Variants in OPCML observed in about 807,000 individuals in gnomAD.
The protein encoded by OPCML is opioid-binding protein/cell adhesion molecule.
OPCML carries 13 observed loss-of-function variants against 37.8 expected under a neutral mutation model. The observed-to-expected ratio is 0.34, with a 90% confidence interval of 0.22 to 0.55. The LOEUF (loss-of-function observed/expected upper bound fraction) is 0.55, where lower values mean the gene tolerates loss of function less well. OPCML is among the 20% of genes least tolerant of loss of function. The pLI is 0.91. For missense variants in OPCML, 341 were observed against 435.6 expected (o/e 0.78, Z 1.93); for synonymous variants, 176 against 168.8 (o/e 1.04, Z -0.33).
At position 132,969,277 on chromosome 11, in the gene OPCML, A is replaced by G. The variant is rs1412476214; in HGVS notation, c.62-26267T>C. ...CCTTATAGTCTCCACCATTGTTTCT[A>G]ACGAAATGTCCTCTGTTAATATTGT... On this transcript the variant is annotated intron_variant, in intron 1 of 7. Coordinates refer to ENST00000524381, the MANE Select transcript of OPCML (RefSeq NM_001012393.5). Among the ~76,000 whole-genome samples, 4 of 152,208 alleles carry G rather than the reference A, an allele frequency of 2.6e-5. No individual in the cohort carries two copies. The East Asian group carries it at 7.7e-4, about 29-fold the overall frequency.
At chr11:132,570,764 T>C (rs1220286326) in intron 3 of OPCML, among the ~76,000 whole-genome samples, 1 of 85,126 alleles carries the variant, frequency 1.2e-5, no homozygotes, top group Non-Finnish European at 2.2e-5. Context: ...AGTATATATA[T>C]ATATATATAT....
intron 1 of OPCML, among the ~76,000 whole-genome samples, chr11:133,459,631 G>T (rs1565646559): frequency 6.6e-6 from 1 of 151,952 alleles, no homozygotes; most frequent in Non-Finnish European, 1.5e-5. Flanking sequence ...TGTTACAAGA[G>T]ACAAAGAATG....
intron 2 of OPCML, among the ~76,000 whole-genome samples, chr11:132,731,291 G>T (rs1209255475): frequency 6.6e-6 from 1 of 152,176 alleles, no homozygotes; most frequent in Non-Finnish European, 1.5e-5. Flanking sequence ...AGTGGTTTAG[G>T]AATGAATATG....
At chr11:133,139,353 A>G (rs139656368) in intron 1 of OPCML, among the ~76,000 whole-genome samples, 57 of 151,794 alleles carry the variant, frequency 3.8e-4, no homozygotes, top group African/African-American at 1.1e-3. Context: ...TAATTAATGT[A>G]ATCCTCACAT....
At chr11:133,237,550 C>G (rs1235088808) in intron 1 of OPCML, among the ~76,000 whole-genome samples, 2 of 152,112 alleles carry the variant, frequency 1.3e-5, no homozygotes, top group African/African-American at 4.8e-5. Context: ...TTTAGAGGAC[C>G]AAATCATTGC....
intron 1 of OPCML, among the ~76,000 whole-genome samples, chr11:133,409,280 A>G (rs1384568152): frequency 6.6e-6 from 1 of 152,210 alleles, no homozygotes; most frequent in Non-Finnish European, 1.5e-5. Flanking sequence ...ACGTCACCAA[A>G]GTACTGTTCC....
At chr11:133,435,305 G>A (rs150073800) in intron 1 of OPCML, among the ~76,000 whole-genome samples, 5 of 152,220 alleles carry the variant, frequency 3.3e-5, no homozygotes, top group East Asian at 1.9e-4. Context: ...TAAAATTCAC[G>A]TCTAGCTTAA....
At chr11:132,567,643 G>T (rs987487686) in intron 3 of OPCML, among the ~76,000 whole-genome samples, 1 of 152,172 alleles carries the variant, frequency 6.6e-6, no homozygotes, top group African/African-American at 2.4e-5. Flanking sequence ...TAATAAAATG[G>T]ATTTTTATCT....
At chr11:132,696,622 CA>C (rs1565783095) in intron 2 of OPCML, among the ~76,000 whole-genome samples, 1 of 152,074 alleles carries the variant, frequency 6.6e-6, no homozygotes. Flanking sequence ...CCCAGTAAAG[CA>C]GAGGAAATCT....
intron 1 of OPCML, among the ~76,000 whole-genome samples, chr11:133,378,607 T>A (rs1034237472): frequency 1.3e-5 from 2 of 152,236 alleles, no homozygotes; most frequent in African/African-American, 4.8e-5. Context: ...GCAGCTGACG[T>A]ATTTTTAATC....
intron 2 of OPCML, among the ~76,000 whole-genome samples, chr11:132,902,265 G>A (rs200741873): frequency 0.013 from 1,929 of 152,262 alleles, 53 homozygotes; most frequent in African/African-American, 0.044. Flanking sequence ...TTGTTAGCCC[G>A]ATGGGGATGG....
At chr11:132,814,921 C>T (rs1301073170) in intron 2 of OPCML, among the ~76,000 whole-genome samples, 1 of 152,044 alleles carries the variant, frequency 6.6e-6, no homozygotes. Context: ...CACAGTCACT[C>T]ATAAGTGTTC....
At chr11:133,489,859 TATACATGCACACACA>T in intron 1 of OPCML, among the ~76,000 whole-genome samples, 1 of 151,392 alleles carries the variant, frequency 6.6e-6, no homozygotes, top group East Asian at 1.9e-4. Context: ...TATATTTTTT[TATACATGCACACACA>T]TATACATATA....
At chr11:133,022,329 CTGTT>C (rs1244136940) in intron 1 of OPCML, among the ~76,000 whole-genome samples, 2 of 152,134 alleles carry the variant, frequency 1.3e-5, no homozygotes, top group Non-Finnish European at 2.9e-5. Context: ...TGCCTTTCTT[CTGTT>C]TTTTATTTTA....
rs373843162 is a variant in OPCML, at chr11:133,045,339, G to A, written c.62-102329C>T. Among the ~76,000 whole-genome samples, 13 of 152,314 alleles carry A rather than the reference G, an allele frequency of 8.5e-5. No individual in the cohort carries two copies. The East Asian group carries it at 2.3e-3, about 27-fold the overall frequency. ...AGGGCCTCCTCTATGGTCTTCGCTA[G>A]CTCTATTGCAGTAGGTACTTCATAC... On this transcript the variant is annotated intron_variant, in intron 1 of 7. Coordinates refer to ENST00000524381, the MANE Select transcript of OPCML (RefSeq NM_001012393.5).
rs183417860 is a variant in OPCML at position 132,854,609 on chromosome 11, C to G, written c.146+88317G>C. Among the ~76,000 whole-genome samples, 542 of 152,298 alleles carry G rather than the reference C, an allele frequency of 3.6e-3. 3 individuals carry two copies. Among genetic ancestry groups the G allele is most frequent in the Non-Finnish European group, 4.7e-3 (317 of 68,028 alleles). Reference sequence around the variant, plus strand: ...GAAGAGATTCCAAAGGTTTTAGGAGCTGTATGGGAGGAAACAAGGATAAAA... The same window carrying G: ...GAAGAGATTCCAAAGGTTTTAGGAGGTGTATGGGAGGAAACAAGGATAAAA... On this transcript the variant is annotated intron_variant, in intron 2 of 7. Coordinates refer to ENST00000524381, the MANE Select transcript of OPCML (RefSeq NM_001012393.5).
At chr11:133,446,292 C>T (rs564870130) in intron 1 of OPCML, among the ~76,000 whole-genome samples, 1 of 152,032 alleles carries the variant, frequency 6.6e-6, no homozygotes, top group African/African-American at 2.4e-5. Context: ...AGTTTGCATC[C>T]GTGTTTTCTG....
At chr11:132,620,719 A>G (rs1447578159) in intron 3 of OPCML, among the ~76,000 whole-genome samples, 1 of 152,152 alleles carries the variant, frequency 6.6e-6, no homozygotes, top group Non-Finnish European at 1.5e-5. Flanking sequence ...ACAGATAGAG[A>G]ATGCGTTGAC....
chr11:133,128,584 G>A (rs191975856), intron 1 of OPCML, among the ~76,000 whole-genome samples: 1,551 of 152,272 alleles, frequency 0.01, 11 homozygotes, highest in South Asian at 0.038. Context: ...GACCCCTGGA[G>A]GTATCTCAGA....
Sources: gnomAD v4.1 joint callset for allele counts (sites outside exome capture counted in the v4.1 genomes callset) on GRCh38, gnomAD v4.1.1 for gene constraint, MANE v1.5 for transcripts, NCBI Gene and HGNC (gene_info 2026-07-23, HGNC 2026-07-21) for gene names.